Variants in CASP4 observed in about 807,000 individuals in gnomAD.
The protein encoded by CASP4 is caspase-4.
CASP4 carries 29 observed loss-of-function variants against 41.3 expected under a neutral mutation model. The observed-to-expected ratio is 0.70, with a 90% confidence interval of 0.52 to 0.96. CASP4 has a LOEUF of 0.96. Among genes scored for constraint, CASP4 ranks in the 40% least tolerant of loss-of-function variants. CASP4 has a pLI of 0.00. For missense variants in CASP4, 447 were observed against 460.6 expected (o/e 0.97, Z 0.27); for synonymous variants, 185 against 158.4 (o/e 1.17, Z -1.26).
At chr11:104,948,914 G>GA (rs536860079) in intron 5 of CASP4, 23 of 328,986 alleles carry the variant, frequency 7.0e-5, no homozygotes, top group African/African-American at 1.1e-4. Context: ...CCATTTTCTA[G>GA]AAAAAAAATC....
At chr11:104,948,861 AT>A (rs1860534917) in intron 5 of CASP4, 185 bp from the exon 6 acceptor site, 1 of 409,424 alleles carries the variant, frequency 2.4e-6, no homozygotes, top group African/African-American at 2.1e-5. Context: ...CTCCAGTGTC[AT>A]TCAACAATGT....
chr11:104,961,056 T>C (rs1006722522), intron 1 of CASP4, among the ~76,000 whole-genome samples: 32 of 152,330 alleles, frequency 2.1e-4, no homozygotes, highest in African/African-American at 7.7e-4. Flanking sequence ...ATGAACGAAA[T>C]CAGACTGGGA....
intron 7 of CASP4, 54 bp downstream of exon 7, chr11:104,947,029 C>A: frequency 1.6e-6 from 2 of 1,257,554 alleles, no homozygotes; most frequent in South Asian, 1.2e-5. Context: ...AAAAGTGAAT[C>A]ATGACAAATT....
intron 4 of CASP4, among the ~76,000 whole-genome samples, chr11:104,950,541 A>G (rs1262827611): frequency 1.3e-5 from 2 of 152,056 alleles, no homozygotes; most frequent in African/African-American, 4.8e-5. Context: ...TTACAGACCT[A>G]TTCCCAACGT....
intron 3 of CASP4, 45 bp downstream of exon 3, chr11:104,951,851 T>C (rs1321873316): frequency 2.3e-6 from 3 of 1,283,390 alleles, no homozygotes; most frequent in Non-Finnish European, 3.4e-6. Context: ...AGGAAAGCAA[T>C]GATATCTCTT....
chr11:104,954,317 G>GT (rs1252760058), intron 2 of CASP4, among the ~76,000 whole-genome samples: 5 of 152,100 alleles, frequency 3.3e-5, no homozygotes, highest in Non-Finnish European at 5.9e-5. Context: ...AGTTGTTGGC[G>GT]TGTGGTGCCT....
intron 7 of CASP4, 26 bp downstream of exon 7, chr11:104,947,057 T>A (rs1860479293): frequency 1.4e-6 from 2 of 1,409,752 alleles, no homozygotes; most frequent in East Asian, 2.3e-5. Context: ...AAGAAATAAA[T>A]GAGTAACTAG....
chr11:104,944,884 G>T lies in CASP4; in HGVS notation c.1036-33C>A. 2.2e-6 allele frequency: 3 copies of T among 1,365,450 alleles called. No homozygotes were observed. In the South Asian group the frequency reaches 3.5e-5, roughly 16 times the overall value. 84.6% of individuals were successfully genotyped at this position (1,365,450 alleles called of 1,614,324 possible). The stretch of plus-strand genomic sequence containing the variant: ...AGAAAATAGGCTGTAGATGAGATAC[G>T]ACTCTTTTCAAGTCTCAGAAAGCAT... On this transcript the variant is annotated intron_variant, in intron 7 of 8. Transcript: ENST00000444739.
chr11:104,951,344 C>A, intron 3 of CASP4: 1 of 341,208 alleles, frequency 2.9e-6, no homozygotes. Context: ...TCTTCTTCAC[C>A]TACTCCAATC....
At chr11:104,967,547 T>C (rs143931408) in intron 1 of CASP4, among the ~76,000 whole-genome samples, 1 of 152,138 alleles carries the variant, frequency 6.6e-6, no homozygotes, top group Non-Finnish European at 1.5e-5. Flanking sequence ...CATTAATAGA[T>C]CACTAGCAGA....
chr11:104,951,070 C>T lies in CASP4; in HGVS notation c.401G>A (p.Arg134His), dbSNP rs373956341. 3.4e-5 allele frequency: 55 copies of T among 1,612,864 alleles called. No individual in the cohort carries two copies. The highest frequency in any genetic ancestry group is 6.7e-5 in the African/African-American group (5 of 74,796). ...EIYPIKERNN[R>H]TRLALIICNT... The stretch of plus-strand genomic sequence containing the variant: ...GCATATGATGAGAGCCAGGCGTGTG[C>T]GGTTGTTTCTCTCCTTTATTGGATA... The change falls in exon 4 of 9, where the codon CGC becomes CAC. Residue 134 changes from arginine (R) to histidine (H), a missense_variant. Transcript: ENST00000444739.
At chr11:104,945,075 C>T (rs1468313804) in intron 7 of CASP4, among the ~76,000 whole-genome samples, 1 of 152,136 alleles carries the variant, frequency 6.6e-6, no homozygotes, top group Non-Finnish European at 1.5e-5. Context: ...CATGTCTAAT[C>T]CAAGGTCTTT....
intron 2 of CASP4, among the ~76,000 whole-genome samples, chr11:104,954,037 C>T (rs1860678558): frequency 6.6e-6 from 1 of 152,022 alleles, no homozygotes; most frequent in Non-Finnish European, 1.5e-5. Flanking sequence ...CTGCTATGTG[C>T]CAAGAAAACT....
intron 4 of CASP4, 101 bp downstream of exon 4, chr11:104,950,824 C>CACA: frequency 6.1e-5 from 24 of 393,216 alleles, no homozygotes; most frequent in Admixed American, 9.9e-5. Flanking sequence ...ACACACACAC[C>CACA]CAAAGGTTGT....
At chr11:104,954,371 A>C (rs1860684800) in intron 2 of CASP4, among the ~76,000 whole-genome samples, 1 of 152,136 alleles carries the variant, frequency 6.6e-6, no homozygotes, top group Non-Finnish European at 1.5e-5. Flanking sequence ...GTGAGAAAGT[A>C]CTGGAATTGT....
At chr11:104,967,123 A>C (rs1221705630) in intron 1 of CASP4, among the ~76,000 whole-genome samples, 2 of 152,202 alleles carry the variant, frequency 1.3e-5, no homozygotes, top group Non-Finnish European at 2.9e-5. Context: ...ATGCTTAAAC[A>C]CATTACAGGA....
chr11:104,955,572 A>G (rs1343477361), intron 1 of CASP4, among the ~76,000 whole-genome samples: 2 of 151,974 alleles, frequency 1.3e-5, no homozygotes, highest in Non-Finnish European at 2.9e-5. Flanking sequence ...TACATAAATT[A>G]AAGAATAAAT....
At chr11:104,962,207 G>A (rs914975299) in intron 1 of CASP4, among the ~76,000 whole-genome samples, 1 of 151,990 alleles carries the variant, frequency 6.6e-6, no homozygotes, top group Non-Finnish European at 1.5e-5. Context: ...CCACAACTAT[G>A]GTGAGGTGAG....
intron 8 of CASP4, chr11:104,944,364 CTCTCTG>C (rs781068503): frequency 1.8e-4 from 18 of 101,102 alleles, no homozygotes; most frequent in Admixed American, 2.9e-4. Context: ...CTCTCTCTCT[CTCTCTG>C]TGTGTGTGTG....
Sources: allele counts gnomAD v4.1 joint callset (sites outside exome capture counted in the v4.1 genomes callset), GRCh38; gene constraint gnomAD v4.1.1; transcripts MANE v1.5; gene names NCBI Gene and HGNC (gene_info 2026-07-23, HGNC 2026-07-21).